SLC1A6: variants seen among roughly 807,000 people sequenced by gnomAD.
SLC1A6 encodes excitatory amino acid transporter 4.
In SLC1A6, 15 loss-of-function variants were observed where a neutral mutation model predicts 42.1. The ratio of observed to expected loss-of-function variants is 0.36; its 90% confidence interval spans 0.24 to 0.55. The LOEUF is 0.55. SLC1A6 is among the 20% of genes least tolerant of loss of function. The probability of loss-of-function intolerance (pLI) is 0.88; values close to 1 mark genes in which losing one functional copy is unlikely to be tolerated. For missense variants in SLC1A6, 542 were observed against 772.5 expected (o/e 0.70, Z 3.54); for synonymous variants, 317 against 319.7 (o/e 0.99, Z 0.09).
intron 6 of SLC1A6, chr19:14,961,479 G>A (rs563229465): frequency 2.0e-5 from 3 of 153,270 alleles, no homozygotes; most frequent in Admixed American, 1.9e-4. Flanking sequence ...TGAAGAATGA[G>A]TGAATGAACA....
chr19:15,007,855 T>C (rs2045903146), intron 1 of SLC1A6, among the ~76,000 whole-genome samples: 1 of 151,850 alleles, frequency 6.6e-6, no homozygotes, highest in Admixed American at 6.6e-5. Context: ...TGAAACCCCA[T>C]TTCTACTAAA....
intron 1 of SLC1A6, among the ~76,000 whole-genome samples, chr19:14,992,228 T>A (rs2045824038): frequency 6.6e-6 from 1 of 152,190 alleles, no homozygotes. Context: ...TTGCATTAAT[T>A]TCATGAGTTG....
rs549921860 is a variant in SLC1A6, at chr19:14,952,571, C to T, written c.1499+357G>A. 4.0e-5 allele frequency among the ~76,000 whole-genome samples: 6 copies of T among 151,892 alleles called. No individual in the cohort carries two copies. The East Asian group carries it at 7.9e-4, about 20-fold the overall frequency. ...TCCTGAGCAGCTGGGATTACAGGCA[C>T]GTGCCACCACGCCCAGCTAATTTTG... On this transcript the variant is annotated intron_variant, in intron 9 of 9. Transcript: ENST00000594383.
intron 4 of SLC1A6, 107 bp from the exon 5 acceptor site, chr19:14,964,468 G>T: frequency 1.1e-6 from 1 of 869,904 alleles, no homozygotes; most frequent in Non-Finnish European, 2.0e-6. Context: ...GCCAACATAT[G>T]AATGCTTCCT....
intron 1 of SLC1A6, chr19:14,977,533 A>C (rs1239742344): frequency 6.6e-6 from 1 of 152,188 alleles, no homozygotes; most frequent in Non-Finnish European, 1.5e-5. Flanking sequence ...CAATCCCAAC[A>C]CTTTGGGAGG....
chr19:15,003,024 G>T (rs374609375), intron 1 of SLC1A6, among the ~76,000 whole-genome samples: 1 of 151,768 alleles, frequency 6.6e-6, no homozygotes, highest in African/African-American at 2.4e-5. Flanking sequence ...TCTCACCCAG[G>T]CTAGAGCACA....
Position 14,968,390 on chromosome 19 carries a change from T to C in SLC1A6, c.461A>G (p.His154Arg). Residue 154 changes from histidine (H) to arginine (R), a missense_variant, in exon 4 of 10, where the codon CAT becomes CGT. Coordinates refer to ENST00000594383, the MANE Select transcript of SLC1A6 (RefSeq NM_005071.3). The part of the protein sequence containing the change: ...FIGILMVTII[H>R]PGKGSKEGLH... Reference sequence around the variant, plus strand: ...CCCCTCCTTGGAGCCCTTCCCGGGATGGATGATGGTGACCATGAGGATGCC... The same window carrying C: ...CCCCTCCTTGGAGCCCTTCCCGGGACGGATGATGGTGACCATGAGGATGCC... The C allele has an allele frequency of 6.2e-7, 1 of 1,613,826 alleles. No individual in the cohort carries two copies. Among genetic ancestry groups the C allele is most frequent in the Non-Finnish European group, 8.5e-7 (1 of 1,179,890 alleles).
rs372576442 is a variant in SLC1A6, at chr19:14,964,375, T to C, written c.549-14A>G. The C allele has an allele frequency of 7.4e-6, 12 of 1,612,636 alleles. No individual in the cohort carries two copies. The African/African-American group carries it at 1.5e-4, about 20-fold the overall frequency. Reference sequence around the variant, plus strand: ...GGAAACATATTTCTGCAGAAAAACATGAGAAGAAGGAAAGTGGTTAGACCA... The same window carrying C: ...GGAAACATATTTCTGCAGAAAAACACGAGAAGAAGGAAAGTGGTTAGACCA... On this transcript the variant is annotated splice_polypyrimidine_tract_variant and intron_variant, in intron 4 of 9. Coordinates refer to ENST00000594383, the MANE Select transcript of SLC1A6 (RefSeq NM_005071.3).
chr19:14,992,875 G>A (rs1224521118), intron 1 of SLC1A6, among the ~76,000 whole-genome samples: 1 of 152,124 alleles, frequency 6.6e-6, no homozygotes, highest in East Asian at 1.9e-4. Context: ...GTCTGAGACC[G>A]AGGAATTGAG....
intron 1 of SLC1A6, among the ~76,000 whole-genome samples, chr19:14,988,790 G>A (rs1252021963): frequency 1.3e-5 from 2 of 152,194 alleles, no homozygotes; most frequent in East Asian, 3.9e-4. Context: ...TGAGGAGGGA[G>A]GATCCCTTGA....
intron 3 of SLC1A6, among the ~76,000 whole-genome samples, chr19:14,970,560 A>C (rs1037301390): frequency 6.6e-6 from 1 of 151,858 alleles, no homozygotes; most frequent in Non-Finnish European, 1.5e-5. Context: ...AAATACAAAA[A>C]ATTAGCCGGG....
intron 1 of SLC1A6, among the ~76,000 whole-genome samples, chr19:15,008,181 C>A (rs2045905747): frequency 6.6e-6 from 1 of 151,996 alleles, no homozygotes. Flanking sequence ...TCTGTCTTTA[C>A]ACAAAATTTA....
rs1320472712 is a variant in SLC1A6, at chr19:14,979,810, G to C, written c.-509C>G. The C allele has an allele frequency of 6.6e-6, 1 of 150,496 alleles. No homozygotes were observed. The highest frequency in any genetic ancestry group is 1.5e-5 in the Non-Finnish European group (1 of 67,608). 9.3% of individuals were successfully genotyped at this position (150,496 alleles called of 1,614,324 possible). On this transcript the variant is annotated 5_prime_UTR_variant, in exon 1 of 10. Transcript: ENST00000594383. This position sits in a 1 kb window ranked among gnomAD's most constrained non-coding sequence, Gnocchi z 4.2. The stretch of plus-strand genomic sequence containing the variant: ...TCCGCCTCCCCCGCGCCCAGCCCAG[G>C]CTCCGCAGCCGTGTGGGAGAAGGGG...
chr19:14,979,665 CACCGGCGCGGAGCCGGGACGCGCTA>C lies in SLC1A6; in HGVS notation c.-389_-365del, dbSNP rs2145222248. 1 of 151,980 alleles carries C rather than the reference CACCGGCGCGGAGCCGGGACGCGCTA, an allele frequency of 6.6e-6. No homozygotes were observed. Among genetic ancestry groups the C allele is most frequent in the Non-Finnish European group, 1.5e-5 (1 of 67,986 alleles). The allele number at this position is 151,980 out of a possible 1,614,324, so 9.4% of individuals were successfully genotyped here. On this transcript the variant is annotated 5_prime_UTR_variant, in exon 1 of 10. Coordinates refer to ENST00000594383, the MANE Select transcript of SLC1A6 (RefSeq NM_005071.3). This position sits in a 1 kb window ranked among gnomAD's most constrained non-coding sequence, Gnocchi z 4.2. ...CGGCGCGGGGACCGGACCGTGGAGGCACCGGCGCGGAGCCGGGACGCGCTATGCTGCGGGAGGGATCCGGGCCGGC... is the reference window on the plus strand; with the variant it reads ...CGGCGCGGGGACCGGACCGTGGAGGCTGCTGCGGGAGGGATCCGGGCCGGC...
chr19:14,970,217 G>C (rs534946182), intron 3 of SLC1A6, among the ~76,000 whole-genome samples: 8 of 152,142 alleles, frequency 5.3e-5, no homozygotes, highest in Non-Finnish European at 1.2e-4. Flanking sequence ...CTATGGGCAT[G>C]TATCACCATA....
chr19:14,995,337 AAAAAAAAG>A (rs1440760061), intron 1 of SLC1A6, among the ~76,000 whole-genome samples: 4 of 96,276 alleles, frequency 4.2e-5, no homozygotes, highest in African/African-American at 8.1e-5. Context: ...AAAAAAAAAA[AAAAAAAAG>A]AAAGAAAGAA....
rs545702237 is a variant in SLC1A6 at position 14,968,412 on chromosome 19, T to A, written c.439A>T (p.Ile147Phe). Residue 147 changes from isoleucine (I) to phenylalanine (F), a missense_variant, in exon 4 of 10, where the codon ATC becomes TTC. Ile to Phe is a conservative substitution (Grantham distance 21). This residue lies in a region of SLC1A6 where 298 missense variants were observed against 419.4 expected (regional missense o/e 0.71). Transcript: ENST00000594383. ...VTTIIAVFIGILMVTIIHPGK... is the reference protein window; with the variant it reads ...VTTIIAVFIGFLMVTIIHPGK... ...GGATGGATGATGGTGACCATGAGGATGCCGATGAAGACCGCGATGATGGTG... is the reference window on the plus strand; with the variant it reads ...GGATGGATGATGGTGACCATGAGGAAGCCGATGAAGACCGCGATGATGGTG... The A allele has an allele frequency of 6.2e-7, 1 of 1,613,874 alleles. No individual in the cohort carries two copies. The highest frequency in any genetic ancestry group is 1.1e-5 in the South Asian group (1 of 91,006).
chr19:14,953,157 C>A (rs1001731522), intron 8 of SLC1A6, 95 bp from the exon 9 acceptor site: 1 of 913,886 alleles, frequency 1.1e-6, no homozygotes. Context: ...GAGATCAGCT[C>A]CCCAAGGCAT....
At position 14,954,326 on chromosome 19, in the gene SLC1A6, C is replaced by T. The variant is rs753091738; in HGVS notation, c.1173G>A (p.Ser391=). 7 of 1,606,060 alleles carry T rather than the reference C, an allele frequency of 4.4e-6. No individual in the cohort carries two copies. The highest frequency in any genetic ancestry group is 1.3e-5 in the African/African-American group (1 of 74,910). The change falls in exon 8 of 10, where the codon TCG becomes TCA. Residue 391 remains serine (S), a synonymous_variant. Transcript: ENST00000594383. ...LITAMGTSSS[S]ATLPITFRCL... ...AGCGGAAGGTGATGGGCAGCGTTGC[C>T]GAGCTGGGGGAAAGAGCCCAGGACT...
Sources: allele counts gnomAD v4.1 joint callset (sites outside exome capture counted in the v4.1 genomes callset), GRCh38; gene constraint gnomAD v4.1.1; regional missense constraint gnomAD v4.1.1; non-coding constraint Gnocchi (gnomAD v3.1); transcripts MANE v1.5; gene names NCBI Gene and HGNC (gene_info 2026-07-23, HGNC 2026-07-21).